Variants in RBFOX1 observed in about 807,000 individuals in gnomAD.
RBFOX1 encodes the protein RNA binding fox-1 homolog 1.
In RBFOX1, 8 loss-of-function variants were observed where a neutral mutation model predicts 57.7. The observed-to-expected ratio is 0.14, with a 90% CI of 0.08 to 0.25. The LOEUF (loss-of-function observed/expected upper bound fraction) is 0.25, where lower values mean the gene tolerates loss of function less well. Among genes scored for constraint, RBFOX1 ranks in the 10% least tolerant of loss-of-function variants. The pLI, the probability that RBFOX1 is intolerant of heterozygous loss-of-function variation, is 1.00. For synonymous variants in RBFOX1, 326 were observed against 222.4 expected, an observed-to-expected ratio of 1.47 and a Z score of -4.15; for missense variants, 611 against 548.5, an observed-to-expected ratio of 1.11 and a Z score of -1.14.
At chr16:7,093,927 G>T (rs897724067) in intron 4 of RBFOX1, among the ~76,000 whole-genome samples, 1 of 151,748 alleles carries the variant, frequency 6.6e-6, no homozygotes, top group Non-Finnish European at 1.5e-5. Context: ...AAAACATAAT[G>T]GTGTGACTAT....
intron 3 of RBFOX1, among the ~76,000 whole-genome samples, chr16:6,970,480 C>A (rs1318664858): frequency 6.6e-6 from 1 of 152,088 alleles, no homozygotes; most frequent in Non-Finnish European, 1.5e-5. Context: ...ACATTGCTCA[C>A]AGTTCTGGAA....
At chr16:5,429,626 C>A (rs2067669014) in intron 1 of RBFOX1, among the ~76,000 whole-genome samples, 1 of 152,210 alleles carries the variant, frequency 6.6e-6, no homozygotes, top group Admixed American at 6.5e-5. Flanking sequence ...AGCTCTGAGT[C>A]TACCAGAATG....
chr16:5,283,466 CA>C (rs2063320758), intron 1 of RBFOX1, among the ~76,000 whole-genome samples: 1 of 152,098 alleles, frequency 6.6e-6, no homozygotes, highest in South Asian at 2.1e-4. Flanking sequence ...CCCCTCCTTT[CA>C]CCTCCTGGTT....
chr16:5,241,595 G>T (rs8055096), intron 1 of RBFOX1, among the ~76,000 whole-genome samples: 2 of 152,160 alleles, frequency 1.3e-5, no homozygotes, highest in Non-Finnish European at 2.9e-5. Context: ...CAGTTACCCT[G>T]TCTGAGCCTT....
intron 2 of RBFOX1, among the ~76,000 whole-genome samples, chr16:6,582,966 T>A (rs1485099608): frequency 6.6e-6 from 1 of 151,826 alleles, no homozygotes; most frequent in African/African-American, 2.4e-5. Context: ...TCCTTGAATC[T>A]ATTAATTCTG....
chr16:5,957,346 C>G (rs554269342), intron 4 of RBFOX1, among the ~76,000 whole-genome samples: 104 of 152,200 alleles, frequency 6.8e-4, no homozygotes, highest in African/African-American at 2.4e-3. Flanking sequence ...TCCCGAGTAG[C>G]TGGGATTATA....
At chr16:6,328,886 T>C (rs974149137) in intron 2 of RBFOX1, among the ~76,000 whole-genome samples, 5 of 152,020 alleles carry the variant, frequency 3.3e-5, no homozygotes, top group African/African-American at 1.2e-4. Flanking sequence ...TGTGCTCTGA[T>C]AAGGAAGAAG....
At chr16:5,973,489 C>A (rs1326133779) in intron 4 of RBFOX1, among the ~76,000 whole-genome samples, 1 of 152,132 alleles carries the variant, frequency 6.6e-6, no homozygotes, top group East Asian at 1.9e-4. Flanking sequence ...TGATGCCTTC[C>A]CTAGGTCAGA....
chr16:6,151,170 T>A (rs2096794803), intron 1 of RBFOX1, among the ~76,000 whole-genome samples: 1 of 152,340 alleles, frequency 6.6e-6, no homozygotes, highest in African/African-American at 2.4e-5. Flanking sequence ...TTCCTGTATA[T>A]AGAAGAGGAG....
chr16:6,813,866 A>G (rs2089404280), intron 3 of RBFOX1, among the ~76,000 whole-genome samples: 1 of 152,158 alleles, frequency 6.6e-6, no homozygotes, highest in Non-Finnish European at 1.5e-5. Context: ...ATCTGAGCTC[A>G]GCCAGCCCCT....
intron 3 of RBFOX1, among the ~76,000 whole-genome samples, chr16:5,674,052 A>C (rs975510618): frequency 6.6e-6 from 1 of 152,200 alleles, no homozygotes; most frequent in Non-Finnish European, 1.5e-5. Context: ...CCATTGAATC[A>C]TTCATTCTTG....
At chr16:5,713,786 GC>G (rs1290043251) in intron 3 of RBFOX1, among the ~76,000 whole-genome samples, 2 of 152,134 alleles carry the variant, frequency 1.3e-5, no homozygotes, top group Admixed American at 6.5e-5. Context: ...GCTTGATTTT[GC>G]CCAAGTCGAT....
intron 2 of RBFOX1, among the ~76,000 whole-genome samples, chr16:5,499,583 T>C (rs963823139): frequency 1.3e-5 from 2 of 152,190 alleles, no homozygotes. Flanking sequence ...TTTTAAATTT[T>C]TTTTTTTGAG....
chr16:5,697,056 G>C (rs1232351832), intron 3 of RBFOX1, among the ~76,000 whole-genome samples: 1 of 152,094 alleles, frequency 6.6e-6, no homozygotes, highest in Non-Finnish European at 1.5e-5. Flanking sequence ...GGGACTACAG[G>C]TGCAAATATT....
At chr16:5,381,172 A>G (rs955973522) in intron 1 of RBFOX1, among the ~76,000 whole-genome samples, 2 of 152,142 alleles carry the variant, frequency 1.3e-5, no homozygotes, top group African/African-American at 4.8e-5. Flanking sequence ...GGCTCTTTGT[A>G]TTTGACAGCC....
intron 2 of RBFOX1, among the ~76,000 whole-genome samples, chr16:5,478,776 C>T (rs2069419847): frequency 6.6e-6 from 1 of 152,112 alleles, no homozygotes; most frequent in Non-Finnish European, 1.5e-5. Context: ...AATAGGGAGC[C>T]ATAGTATGTT....
In RBFOX1 at chr16:7,296,279, A is replaced by G. The variant is rs894725481; in HGVS notation, c.28-221868A>G. Among the ~76,000 whole-genome samples, 117 of 99,840 alleles carry G rather than the reference A, an allele frequency of 1.2e-3. 1 individual carries two copies. Among genetic ancestry groups the G allele is most frequent in the South Asian group, 6.0e-3 (20 of 3,350 alleles). The allele number at this position is 99,840 out of a possible 152,430, so 65.5% of individuals were successfully genotyped here. A position where few individuals can be genotyped will look rare whatever the true frequency, so the allele number is the denominator to read the frequency against. On this transcript the variant is annotated intron_variant, in intron 4 of 15. Transcript: ENST00000550418. ...TCCTCCTTTTTTTTTTTTTTTTTGC[A>G]TTTTCGTGTAAAATGCTGTTTCTTT...
chr16:6,913,166 G>A (rs1191154468), intron 3 of RBFOX1, among the ~76,000 whole-genome samples: 1 of 152,034 alleles, frequency 6.6e-6, no homozygotes, highest in South Asian at 2.1e-4. Context: ...TTGTTTTTTT[G>A]TTTTTCCTGT....
chr16:6,708,401 G>A (rs139697237), intron 3 of RBFOX1, among the ~76,000 whole-genome samples: 2 of 152,134 alleles, frequency 1.3e-5, no homozygotes, highest in African/African-American at 2.4e-5. Flanking sequence ...TCAGACAGGA[G>A]TTAAGTTCTA....
Sources: allele counts gnomAD v4.1 joint callset (sites outside exome capture counted in the v4.1 genomes callset), GRCh38; gene constraint gnomAD v4.1.1; transcripts MANE v1.5; gene names NCBI Gene and HGNC (gene_info 2026-07-23, HGNC 2026-07-21).